The following LSAMP variants were observed in gnomAD, a reference collection of about 807,000 sequenced individuals.
LSAMP encodes limbic system associated membrane protein, also known as limbic system-associated membrane protein.
In LSAMP, 7 loss-of-function variants were observed where a neutral mutation model predicts 38.6. That is an observed-to-expected ratio of 0.18 (90% CI 0.10 to 0.34). LSAMP has a LOEUF of 0.34. LSAMP is among the 10% of genes least tolerant of loss of function. LSAMP has a pLI of 1.00. For missense variants in LSAMP, 313 were observed against 420.0 expected (o/e 0.75, Z 2.23); for synonymous variants, 154 against 166.8 (o/e 0.92, Z 0.59).
In LSAMP at chr3:115,913,529, C is replaced by A. The variant is rs1016917527; in HGVS notation, c.515-60912G>T. On this transcript the variant is annotated intron_variant, in intron 3 of 6. Transcript: ENST00000490035. Reference sequence around the variant, plus strand: ...ACTATGGCCCTCAGCCTCCCCAGGGCAAGGACTGTCAGAGAGCTAAAGGGT... The same window carrying A: ...ACTATGGCCCTCAGCCTCCCCAGGGAAAGGACTGTCAGAGAGCTAAAGGGT... 1.6e-4 allele frequency among the ~76,000 whole-genome samples: 25 copies of A among 152,142 alleles called. 1 individual carries two copies. Among genetic ancestry groups the A allele is most frequent in the Admixed American group, 9.8e-4 (15 of 15,280 alleles).
intron 2 of LSAMP, among the ~76,000 whole-genome samples, chr3:116,084,639 T>C (rs894142331): frequency 1.3e-5 from 2 of 152,090 alleles, no homozygotes; most frequent in African/African-American, 4.8e-5. Context: ...GCTCAGATTG[T>C]CAAATTTATT....
chr3:115,956,351 G>A (rs2107586291), intron 3 of LSAMP, among the ~76,000 whole-genome samples: 1 of 150,998 alleles, frequency 6.6e-6, no homozygotes, highest in East Asian at 1.9e-4. Flanking sequence ...TTATAGAAGA[G>A]AGAAGTTCCA....
intron 2 of LSAMP, among the ~76,000 whole-genome samples, chr3:116,058,861 A>G (rs1257801910): frequency 6.6e-6 from 1 of 152,164 alleles, no homozygotes; most frequent in Non-Finnish European, 1.5e-5. Flanking sequence ...ACAGGTCTTC[A>G]GCTTCTTAGC....
intron 3 of LSAMP, among the ~76,000 whole-genome samples, chr3:115,867,649 GGAA>G (rs923660811): frequency 2.6e-5 from 4 of 152,088 alleles, no homozygotes; most frequent in Admixed American, 2.0e-4. Context: ...CAAACCACGG[GGAA>G]GAAGAAGAGC....
intron 1 of LSAMP, among the ~76,000 whole-genome samples, chr3:116,180,726 G>A (rs1710465655): frequency 6.6e-6 from 1 of 152,050 alleles, no homozygotes; most frequent in Non-Finnish European, 1.5e-5. Context: ...TTTATAAGTA[G>A]GGCAAAGCAA....
At chr3:116,341,929 A>T (rs1447258859) in intron 1 of LSAMP, among the ~76,000 whole-genome samples, 1 of 152,070 alleles carries the variant, frequency 6.6e-6, no homozygotes, top group African/African-American at 2.4e-5. Context: ...TGGCTGGATA[A>T]GCAATGACTA....
rs771355430 is a variant in LSAMP at position 115,841,924 on chromosome 3, G to A, written c.840C>T (p.Val280=). 6 of 1,613,846 alleles carry A rather than the reference G, an allele frequency of 3.7e-6. No homozygotes were observed. Among genetic ancestry groups the A allele is most frequent in the Non-Finnish European group, 5.1e-6 (6 of 1,180,010 alleles). Residue 280 remains valine, a synonymous_variant, in exon 6 of 7, where the codon GTC becomes GTT. Transcript: ENST00000490035. ...TGTAGTTGCCGTAGTGCTCCTCAGTGACGTTGGTCACCGTCAGGGAAGACT... is the reference window on the plus strand; with the variant it reads ...TGTAGTTGCCGTAGTGCTCCTCAGTAACGTTGGTCACCGTCAGGGAAGACT... The part of the protein sequence containing the change: ...EGQSSLTVTN[V]TEEHYGNYTC...
intron 1 of LSAMP, among the ~76,000 whole-genome samples, chr3:116,110,647 G>T (rs1012014842): frequency 1.3e-5 from 2 of 152,120 alleles, no homozygotes; most frequent in Non-Finnish European, 2.9e-5. Flanking sequence ...AAAAGAGGCC[G>T]CTTACCAGAT....
At chr3:116,304,651 T>C (rs1425815067) in intron 1 of LSAMP, among the ~76,000 whole-genome samples, 1 of 152,094 alleles carries the variant, frequency 6.6e-6, no homozygotes. Flanking sequence ...TATTTGACTT[T>C]CCAGGAAGAA....
At chr3:116,025,173 C>T (rs528761918) in intron 2 of LSAMP, among the ~76,000 whole-genome samples, 37 of 152,138 alleles carry the variant, frequency 2.4e-4, no homozygotes, top group African/African-American at 8.4e-4. Context: ...TCTAGACAAT[C>T]CCTTAACAAT....
At chr3:116,271,987 A>G (rs182791846) in intron 1 of LSAMP, among the ~76,000 whole-genome samples, 1 of 152,222 alleles carries the variant, frequency 6.6e-6, no homozygotes, top group Non-Finnish European at 1.5e-5. Flanking sequence ...AAAACCCAGG[A>G]TGAAATAGAG....
At chr3:116,193,330 A>T (rs563561460) in intron 1 of LSAMP, among the ~76,000 whole-genome samples, 29 of 152,300 alleles carry the variant, frequency 1.9e-4, no homozygotes, top group Non-Finnish European at 4.1e-4. Context: ...TTCAGGCAGG[A>T]TCTTCTTCAA....
At chr3:115,904,104 C>A (rs980967774) in intron 3 of LSAMP, among the ~76,000 whole-genome samples, 4 of 151,588 alleles carry the variant, frequency 2.6e-5, no homozygotes, top group Non-Finnish European at 5.9e-5. Flanking sequence ...CATCTGTCGA[C>A]GGTAGTCAAA....
At chr3:116,086,681 T>C (rs146600803) in intron 1 of LSAMP, 125 bp from the exon 2 acceptor site, 198 of 729,484 alleles carry the variant, frequency 2.7e-4, no homozygotes, top group African/African-American at 1.8e-3. Flanking sequence ...ATTATTGCCA[T>C]GCCATTCTTG....
rs532021946 is a variant in LSAMP at position 116,066,302 on chromosome 3, A to G, written c.388+20022T>C. ...TTTCCAAATAGTATCACACTGGGAT[A>G]AAGTTCTAAACTGAATTTAGCAAGG... is the stretch of plus-strand genomic sequence containing the variant. On this transcript the variant is annotated intron_variant, in intron 2 of 6. Transcript: ENST00000490035. Among the ~76,000 whole-genome samples, 19 of 152,326 alleles carry G rather than the reference A, an allele frequency of 1.2e-4. No homozygotes were observed. In the South Asian group the frequency reaches 3.9e-3, roughly 32 times the overall value.
At chr3:116,011,627 T>C (rs940686422) in intron 3 of LSAMP, among the ~76,000 whole-genome samples, 3 of 152,024 alleles carry the variant, frequency 2.0e-5, no homozygotes, top group Non-Finnish European at 4.4e-5. Context: ...AGGGTCCAAC[T>C]GGAAAACTGA....
intron 3 of LSAMP, among the ~76,000 whole-genome samples, chr3:115,898,532 C>T (rs1232953272): frequency 2.0e-5 from 3 of 151,424 alleles, no homozygotes; most frequent in African/African-American, 7.3e-5. Context: ...ATCTGAACAA[C>T]CTATTGAGGT....
At chr3:116,386,532 G>A (rs2048628545) in intron 1 of LSAMP, among the ~76,000 whole-genome samples, 1 of 152,100 alleles carries the variant, frequency 6.6e-6, no homozygotes, top group South Asian at 2.1e-4. Flanking sequence ...GAGAACAGAG[G>A]TGCTATCCTA....
chr3:115,872,752 C>T (rs1936078848), intron 3 of LSAMP, among the ~76,000 whole-genome samples: 1 of 151,896 alleles, frequency 6.6e-6, no homozygotes, highest in East Asian at 1.9e-4. Context: ...ATATTTAATC[C>T]CTGAACAAAT....
Sources: gnomAD v4.1 joint callset for allele counts (sites outside exome capture counted in the v4.1 genomes callset) on GRCh38, gnomAD v4.1.1 for gene constraint, MANE v1.5 for transcripts, NCBI Gene and HGNC (gene_info 2026-07-23, HGNC 2026-07-21) for gene names.